The following GRM1 variants were observed in gnomAD, a reference collection of about 807,000 sequenced individuals.
GRM1 encodes the protein metabotropic glutamate receptor 1.
In GRM1, 33 loss-of-function variants were observed where a neutral mutation model predicts 90.9. That is an observed-to-expected ratio of 0.36 (90% confidence interval 0.28 to 0.49). The LOEUF is 0.49. GRM1 is among the 20% of genes least tolerant of loss of function. The pLI is 0.99. For missense variants in GRM1, 1,190 were observed against 1,534.3 expected (o/e 0.78, Z 3.75); for synonymous variants, 700 against 613.2 (o/e 1.14, Z -2.09).
In GRM1 at chr6:146,070,322, T is replaced by C. The variant is rs77687951; in HGVS notation, c.700+40105T>C. Among the ~76,000 whole-genome samples the C allele has an allele frequency of 2.6e-3, 392 of 152,252 alleles. 14 individuals are homozygous for C. In the East Asian group the frequency reaches 0.064, roughly 25 times the overall value. On this transcript the variant is annotated intron_variant, in intron 1 of 7. Transcript: ENST00000282753. ...TACATTAGGAAAAAAACTGGGCACA[T>C]TTTGAGCACTCAATACGCATGATTT...
chr6:146,187,244 T>C (rs1347282557), intron 2 of GRM1, among the ~76,000 whole-genome samples: 1 of 152,152 alleles, frequency 6.6e-6, no homozygotes, highest in Non-Finnish European at 1.5e-5. Context: ...TAGAATATAT[T>C]AATCAACTAT....
intron 6 of GRM1, among the ~76,000 whole-genome samples, chr6:146,393,821 A>G (rs1404653493): frequency 6.6e-6 from 1 of 152,142 alleles, no homozygotes; most frequent in Non-Finnish European, 1.5e-5. Flanking sequence ...AATCCCAAGC[A>G]AAAGGAACAA....
intron 1 of GRM1, among the ~76,000 whole-genome samples, chr6:146,061,628 C>T (rs1167603268): frequency 6.6e-6 from 1 of 151,888 alleles, no homozygotes; most frequent in Non-Finnish European, 1.5e-5. Flanking sequence ...CAAGAGAAAA[C>T]AAACAACCCC....
At chr6:146,274,100 G>C (rs1782267975) in intron 2 of GRM1, among the ~76,000 whole-genome samples, 1 of 152,028 alleles carries the variant, frequency 6.6e-6, no homozygotes, top group Non-Finnish European at 1.5e-5. Context: ...ATGTATCTTT[G>C]GATTTGCATA....
chr6:146,066,360 T>G (rs1775847534), intron 1 of GRM1, among the ~76,000 whole-genome samples: 1 of 152,224 alleles, frequency 6.6e-6, no homozygotes, highest in Non-Finnish European at 1.5e-5. Flanking sequence ...TGTAGGATAA[T>G]TCTTTCCAGC....
intron 2 of GRM1, among the ~76,000 whole-genome samples, chr6:146,263,513 A>G (rs944226274): frequency 2.0e-5 from 3 of 151,972 alleles, no homozygotes; most frequent in African/African-American, 7.2e-5. Context: ...AAATTATAAA[A>G]TAGCAGGGAA....
intron 6 of GRM1, among the ~76,000 whole-genome samples, chr6:146,397,711 A>C (rs1777017811): frequency 6.6e-6 from 1 of 151,974 alleles, no homozygotes; most frequent in African/African-American, 2.4e-5. Context: ...ATTAGTTGGC[A>C]CTCATTTATT....
chr6:146,411,770 A>T (rs547032676), intron 7 of GRM1, among the ~76,000 whole-genome samples: 1 of 152,210 alleles, frequency 6.6e-6, no homozygotes, highest in African/African-American at 2.4e-5. Flanking sequence ...CAATGTTAAG[A>T]TATACACAGA....
chr6:146,317,336 A>G (rs1784011894), intron 3 of GRM1, among the ~76,000 whole-genome samples: 1 of 152,230 alleles, frequency 6.6e-6, no homozygotes, highest in Admixed American at 6.5e-5. Flanking sequence ...ATGTAAGCTC[A>G]GTTGATAAAA....
At chr6:146,041,293 C>T (rs902761947) in intron 1 of GRM1, among the ~76,000 whole-genome samples, 2 of 151,962 alleles carry the variant, frequency 1.3e-5, no homozygotes, top group African/African-American at 4.8e-5. Context: ...TTATGGCTCC[C>T]TGTTTGCTGG....
chr6:146,229,961 T>C (rs371253399), intron 2 of GRM1, among the ~76,000 whole-genome samples: 2 of 152,246 alleles, frequency 1.3e-5, no homozygotes, highest in African/African-American at 2.4e-5. Flanking sequence ...ACTACAACTA[T>C]GTATACTTTC....
chr6:146,242,718 C>T (rs1032673283), intron 2 of GRM1, among the ~76,000 whole-genome samples: 3 of 152,034 alleles, frequency 2.0e-5, no homozygotes, highest in Admixed American at 6.6e-5. Flanking sequence ...TTCCACCGTA[C>T]CTCCATCTAT....
intron 7 of GRM1, among the ~76,000 whole-genome samples, chr6:146,418,931 A>G (rs1424548207): frequency 6.6e-6 from 1 of 152,182 alleles, no homozygotes; most frequent in East Asian, 1.9e-4. Flanking sequence ...AAATTGGGGC[A>G]TATGAAAGCA....
rs1473702015 is a variant in GRM1 at position 146,046,396 on chromosome 6, C to T, written c.700+16179C>T. 2.0e-5 allele frequency among the ~76,000 whole-genome samples: 3 copies of T among 151,954 alleles called. No individual in the cohort carries two copies. In the South Asian group the frequency reaches 6.2e-4, roughly 31 times the overall value. On this transcript the variant is annotated intron_variant, in intron 1 of 7. Transcript: ENST00000282753. ...AAGAAAGCTTAGATGTGGGGTTACACACAGCTAGTTACTACAAGATGCATG... is the reference window on the plus strand; with the variant it reads ...AAGAAAGCTTAGATGTGGGGTTACATACAGCTAGTTACTACAAGATGCATG...
chr6:146,383,745 T>C (rs748353925), intron 5 of GRM1, among the ~76,000 whole-genome samples: 2 of 152,138 alleles, frequency 1.3e-5, no homozygotes, highest in Non-Finnish European at 2.9e-5. Context: ...GTTTCTATCA[T>C]TTTAAAGTAT....
intron 2 of GRM1, among the ~76,000 whole-genome samples, chr6:146,271,449 A>G (rs1195645286): frequency 1.3e-5 from 2 of 152,092 alleles, no homozygotes; most frequent in South Asian, 2.1e-4. Context: ...AAGCTGGTGG[A>G]GGTGGACAGA....
Position 146,210,691 on chromosome 6 carries a change from C to T in GRM1, c.950+51094C>T, listed in dbSNP as rs138294064. Among the ~76,000 whole-genome samples the T allele has an allele frequency of 1.1e-3, 168 of 152,222 alleles. No homozygotes were observed. The Middle Eastern group carries it at 0.014, about 12-fold the overall frequency. On this transcript the variant is annotated intron_variant, in intron 2 of 7. Coordinates refer to ENST00000282753, the MANE Select transcript of GRM1 (RefSeq NM_001278064.2). ...ATCCTTTTACCAAACACCCTGAGTC[C>T]GCCTACTACCCCAATGTTAGCAAAA...
At chr6:146,083,767 T>C (rs1472899198) in intron 1 of GRM1, among the ~76,000 whole-genome samples, 2 of 151,988 alleles carry the variant, frequency 1.3e-5, no homozygotes, top group Non-Finnish European at 2.9e-5. Context: ...TAGGGAGGAG[T>C]CCCTCCTTTT....
At chr6:146,140,649 C>G (rs1776841810) in intron 1 of GRM1, among the ~76,000 whole-genome samples, 1 of 152,172 alleles carries the variant, frequency 6.6e-6, no homozygotes, top group Non-Finnish European at 1.5e-5. Context: ...CGGATGAAAA[C>G]TTAACACTGA....
Sources: gnomAD v4.1 joint callset for allele counts (sites outside exome capture counted in the v4.1 genomes callset) on GRCh38, gnomAD v4.1.1 for gene constraint, MANE v1.5 for transcripts, NCBI Gene and HGNC (gene_info 2026-07-23, HGNC 2026-07-21) for gene names.